SGCG: variants seen among roughly 807,000 people sequenced by gnomAD.
SGCG encodes the protein sarcoglycan gamma.
Under a neutral mutation model 29.3 loss-of-function variants are expected in SGCG, and 26 were observed. The observed-to-expected ratio is 0.89, with a 90% CI of 0.65 to 1.23. The LOEUF is 1.23. Ranked by LOEUF, SGCG falls within the 50% of genes most tolerant of loss-of-function variation. The pLI, the probability that SGCG is intolerant of heterozygous loss-of-function variation, is 0.00. For missense variants in SGCG, 353 were observed against 356.0 expected (o/e 0.99, Z 0.07); for synonymous variants, 145 against 129.7 (o/e 1.12, Z -0.80).
chr13:23,173,010 C>T, the SGCG span, among the ~76,000 whole-genome samples: 6 of 152,204 alleles, frequency 3.9e-5, no homozygotes, highest in East Asian at 5.8e-4. Flanking sequence ...AAAATCATAT[C>T]TCTATTTACC....
chr13:23,241,982 C>CA (rs1445009785), intron 3 of SGCG, among the ~76,000 whole-genome samples: 2 of 151,794 alleles, frequency 1.3e-5, no homozygotes, highest in African/African-American at 4.8e-5. Flanking sequence ...TTAATGAAAC[C>CA]AAAAATGGAT....
intron 4 of SGCG, among the ~76,000 whole-genome samples, chr13:23,259,236 A>G (rs1162129485): frequency 2.6e-5 from 4 of 152,076 alleles, no homozygotes. Context: ...TTATTGGTCT[A>G]TTCAGGGATT....
chr13:23,308,332 A>C (rs1036928930), intron 6 of SGCG, among the ~76,000 whole-genome samples: 14 of 152,184 alleles, frequency 9.2e-5, no homozygotes, highest in African/African-American at 3.4e-4. Flanking sequence ...TCTGAGTGGG[A>C]ATACCCAGTT....
At chr13:23,184,444 A>C (rs1876887582) in intron 1 of SGCG, among the ~76,000 whole-genome samples, 1 of 152,182 alleles carries the variant, frequency 6.6e-6, no homozygotes, top group Admixed American at 6.5e-5. Flanking sequence ...TAAAAATCAA[A>C]ATACTTATAA....
chr13:23,179,502 T>C (rs1876662389), upstream of SGCG, among the ~76,000 whole-genome samples: 1 of 152,252 alleles, frequency 6.6e-6, no homozygotes, highest in Admixed American at 6.5e-5. Context: ...AATATTGAGT[T>C]AGCAGTTTCA....
chr13:23,287,802 C>G (rs1881552686), intron 5 of SGCG, among the ~76,000 whole-genome samples: 2 of 152,008 alleles, frequency 1.3e-5, no homozygotes, highest in Non-Finnish European at 2.9e-5. Context: ...TGTGGCCAGG[C>G]TGGGTGTAGT....
chr13:23,296,291 T>G (rs560703666), intron 6 of SGCG, among the ~76,000 whole-genome samples: 1 of 152,342 alleles, frequency 6.6e-6, no homozygotes, highest in African/African-American at 2.4e-5. Context: ...AAATGTCAGT[T>G]TACTTTAAAT....
At chr13:23,312,427 A>T (rs1882636301) in intron 6 of SGCG, among the ~76,000 whole-genome samples, 1 of 152,244 alleles carries the variant, frequency 6.6e-6, no homozygotes, top group South Asian at 2.1e-4. Flanking sequence ...GTAAGATTTT[A>T]AAAACATATT....
chr13:23,255,909 A>G (rs1009592629), intron 4 of SGCG, among the ~76,000 whole-genome samples: 3 of 152,208 alleles, frequency 2.0e-5, no homozygotes, highest in Non-Finnish European at 4.4e-5. Context: ...AGCTTACACC[A>G]TGAACCAAAT....
In SGCG at chr13:23,295,500, G is replaced by C; in HGVS notation, c.578+13G>C. Reference sequence around the variant, plus strand: ...TTCAAGACCTTAGGTAAGAATTTTTGTTCAAATATTAACAACCTCTCCTGT... The same window carrying C: ...TTCAAGACCTTAGGTAAGAATTTTTCTTCAAATATTAACAACCTCTCCTGT... On this transcript the variant is annotated intron_variant, in intron 6 of 7. Coordinates refer to ENST00000218867, the MANE Select transcript of SGCG (RefSeq NM_000231.3). The C allele has an allele frequency of 6.3e-7, 1 of 1,591,900 alleles. No homozygotes were observed. Among genetic ancestry groups the C allele is most frequent in the Non-Finnish European group, 8.6e-7 (1 of 1,159,798 alleles).
chr13:23,248,634 C>T (rs1879822937), intron 3 of SGCG, among the ~76,000 whole-genome samples: 1 of 143,358 alleles, frequency 7.0e-6, no homozygotes, highest in African/African-American at 2.5e-5. Context: ...GCGGAGCTTC[C>T]GGCGAGCCCA....
chr13:23,320,596 A>G, intron 6 of SGCG, 41 bp from the exon 7 acceptor site: 12 of 1,323,516 alleles, frequency 9.1e-6, no homozygotes, highest in Non-Finnish European at 1.2e-5. Context: ...TATTTTTAAT[A>G]CTTTTTTTTT....
upstream of SGCG, among the ~76,000 whole-genome samples, chr13:23,177,348 G>C (rs1365769278): frequency 2.6e-5 from 4 of 152,114 alleles, no homozygotes; most frequent in Non-Finnish European, 5.9e-5. Context: ...AAAATAACTA[G>C]AAGAGGGGAT....
At chr13:23,254,458 A>G (rs1880100465) in intron 4 of SGCG, among the ~76,000 whole-genome samples, 1 of 152,172 alleles carries the variant, frequency 6.6e-6, no homozygotes, top group South Asian at 2.1e-4. Flanking sequence ...GTATTCAAGA[A>G]GCAGTCTGGC....
intron 2 of SGCG, among the ~76,000 whole-genome samples, chr13:23,209,284 A>T (rs890958887): frequency 2.6e-5 from 4 of 152,178 alleles, no homozygotes; most frequent in African/African-American, 7.2e-5. Flanking sequence ...CTTAACAAGG[A>T]TTTAAAATTA....
At chr13:23,243,446 T>C (rs954211646) in intron 3 of SGCG, 1 of 152,258 alleles carries the variant, frequency 6.6e-6, no homozygotes, top group African/African-American at 2.4e-5. Flanking sequence ...TTATCTCCCA[T>C]TGACCAGAAT....
At chr13:23,276,431 CTT>C (rs71100165) in intron 4 of SGCG, among the ~76,000 whole-genome samples, 1 of 102,384 alleles carries the variant, frequency 9.8e-6, no homozygotes, top group African/African-American at 3.5e-5. Flanking sequence ...TTTTAGTTTT[CTT>C]TTTTTTTTTT....
At chr13:23,320,986 T>G (rs1566048182) in intron 7 of SGCG, among the ~76,000 whole-genome samples, 1 of 152,100 alleles carries the variant, frequency 6.6e-6, no homozygotes, top group African/African-American at 2.4e-5. Flanking sequence ...TTTCTTTAAC[T>G]GGCATTTATG....
intron 6 of SGCG, among the ~76,000 whole-genome samples, chr13:23,298,799 ATCT>A (rs1483078931): frequency 6.6e-6 from 1 of 152,216 alleles, no homozygotes. Flanking sequence ...ATCCCATTAA[ATCT>A]TCTCACTGTA....
Sources: allele counts gnomAD v4.1 joint callset (sites outside exome capture counted in the v4.1 genomes callset), GRCh38; gene constraint gnomAD v4.1.1; transcripts MANE v1.5; gene names NCBI Gene and HGNC (gene_info 2026-07-23, HGNC 2026-07-21).